The following ABCA1 variants were observed in gnomAD, a reference collection of about 807,000 sequenced individuals.
The protein encoded by ABCA1 is ATP binding cassette subfamily A member 1.
Under a neutral mutation model 262.5 loss-of-function variants are expected in ABCA1, and 133 were observed. That is an observed-to-expected ratio of 0.51 (90% confidence interval 0.44 to 0.59). The LOEUF is 0.59. ABCA1 is among the 20% of genes least tolerant of loss of function. ABCA1 has a pLI of 0.00. For missense variants in ABCA1, 2,452 were observed against 2,777.5 expected (o/e 0.88, Z 2.63); for synonymous variants, 1,022 against 1,043.5 (o/e 0.98, Z 0.40).
At chr9:104,819,845 T>G in intron 21 of ABCA1, 82 bp downstream of exon 21, 2 of 1,609,018 alleles carry the variant, frequency 1.2e-6, no homozygotes, top group Non-Finnish European at 1.7e-6. Flanking sequence ...CCTGGGACCC[T>G]GGGGCAGTGC....
Position 104,817,360 on chromosome 9 carries a change from G to A in ABCA1, c.3507C>T (p.Ser1169=), listed in dbSNP as rs375992169. The A allele has an allele frequency of 1.4e-5, 23 of 1,614,148 alleles. 1 individual carries two copies. Among genetic ancestry groups the A allele is most frequent in the Middle Eastern group, 1.6e-4 (1 of 6,062 alleles). The change falls in exon 24 of 50, where the codon AGC becomes AGT. Residue 1169 remains serine, a synonymous_variant. Coordinates refer to ENST00000374736, the MANE Select transcript of ABCA1 (RefSeq NM_005502.4). The surrounding 1 kb of genome is among the most constrained non-coding windows in gnomAD (Gnocchi z 4.7). ...TGGTCAGCGTGTCACTCTCATGGTC[G>A]CTGCCCAGGCCAGCATCAGAACTGC... The part of the protein sequence containing the change: ...SQSSSDAGLG[S]DHESDTLTID...
chr9:104,865,515 C>CAAAAAAAAAA (rs925876847), intron 5 of ABCA1, among the ~76,000 whole-genome samples: 4,525 of 66,204 alleles, frequency 0.068, 142 homozygotes, highest in African/African-American at 0.12. Context: ...GACTCTGTCT[C>CAAAAAAAAAA]AAAAAAAAAA....
chr9:104,865,083 T>C (rs1229430834), intron 5 of ABCA1, among the ~76,000 whole-genome samples: 1 of 152,198 alleles, frequency 6.6e-6, no homozygotes, highest in African/African-American at 2.4e-5. Flanking sequence ...TATCCACCCA[T>C]GTAGGCTTAG....
intron 7 of ABCA1, among the ~76,000 whole-genome samples, chr9:104,854,378 T>A (rs1464931716): frequency 1.3e-5 from 2 of 152,182 alleles, no homozygotes; most frequent in African/African-American, 2.4e-5. Context: ...CTCTACTGTA[T>A]CCTGGCTTCT....
chr9:104,906,897 T>C (rs1294088696), intron 1 of ABCA1, among the ~76,000 whole-genome samples: 2 of 152,160 alleles, frequency 1.3e-5, no homozygotes, highest in East Asian at 1.9e-4. Flanking sequence ...TCCCAGTCAA[T>C]AGGCCACTCT....
rs1310162612 is a variant in ABCA1, at chr9:104,842,624, T to C, written c.814-2105A>G. Among the ~76,000 whole-genome samples the C allele has an allele frequency of 2.4e-4, 36 of 152,190 alleles. 1 individual carries two copies. Among genetic ancestry groups the C allele is most frequent in the Admixed American group, 2.4e-3 (36 of 15,280 alleles). ...GTGCTTCCTGACTCTCAGGGAGGGA[T>C]GGCTCTTCATCCTTTAGCCCACGGA... On this transcript the variant is annotated intron_variant, in intron 8 of 49. Transcript: ENST00000374736.
chr9:104,829,912 C>G (rs1833114437), intron 14 of ABCA1, among the ~76,000 whole-genome samples: 1 of 151,246 alleles, frequency 6.6e-6, no homozygotes, highest in Non-Finnish European at 1.5e-5. Flanking sequence ...CCAATACAAG[C>G]AGAACCCAGC....
intron 36 of ABCA1, 49 bp from the exon 37 acceptor site, chr9:104,798,647 G>C: frequency 1.3e-6 from 2 of 1,551,008 alleles, no homozygotes; most frequent in Non-Finnish European, 1.8e-6. Flanking sequence ...GATGCAGTTA[G>C]GGCTCAATCA....
chr9:104,887,388 C>G (rs151158579), intron 3 of ABCA1, among the ~76,000 whole-genome samples: 2,506 of 152,278 alleles, frequency 0.016, 28 homozygotes, highest in Middle Eastern at 0.031. Flanking sequence ...TCAGAGGAAT[C>G]TAGGTTAAAA....
rs1416623380 is a variant in ABCA1 at position 104,884,715 on chromosome 9, A to C, written c.161-147T>G. The C allele has an allele frequency of 4.1e-6, 4 of 973,554 alleles. No individual in the cohort carries two copies. In the African/African-American group the frequency reaches 4.8e-5, roughly 12 times the overall value. The allele number at this position is 973,554 out of a possible 1,614,324, so 60.3% of individuals were successfully genotyped here. A position where few individuals can be genotyped will look rare whatever the true frequency, so the allele number is the denominator to read the frequency against. ...GACCTGTCTCTTCTGAATAAAACTG[A>C]CTCTCAGGTGGAAACTTGGCCTCAC... On this transcript the variant is annotated intron_variant, in intron 3 of 49. Coordinates refer to ENST00000374736, the MANE Select transcript of ABCA1 (RefSeq NM_005502.4).
chr9:104,917,722 C>T (rs573293610), intron 1 of ABCA1, among the ~76,000 whole-genome samples: 1 of 152,160 alleles, frequency 6.6e-6, no homozygotes, highest in East Asian at 1.9e-4. Context: ...CCACTGCACT[C>T]CAGCCTGGGC....
chr9:104,803,795 C>T (rs1478306262), intron 32 of ABCA1, among the ~76,000 whole-genome samples: 1 of 151,998 alleles, frequency 6.6e-6, no homozygotes, highest in Non-Finnish European at 1.5e-5. Flanking sequence ...TTAGTAGAGA[C>T]AGGGTTTCCC....
chr9:104,811,170 C>A (rs2118931618), intron 28 of ABCA1, among the ~76,000 whole-genome samples: 1 of 152,370 alleles, frequency 6.6e-6, no homozygotes, highest in Non-Finnish European at 1.5e-5. Flanking sequence ...CTGGCAGAGG[C>A]ACTAAGCCAA....
chr9:104,874,098 A>G (rs1837884481), intron 5 of ABCA1, among the ~76,000 whole-genome samples: 1 of 152,238 alleles, frequency 6.6e-6, no homozygotes, highest in Admixed American at 6.5e-5. Flanking sequence ...TCAAAAATCA[A>G]ACCAGAATCA....
Position 104,786,300 on chromosome 9 carries a change from A to G in ABCA1, c.6399T>C (p.Asn2133=), listed in dbSNP as rs769250500. The G allele has an allele frequency of 1.2e-6, 2 of 1,612,850 alleles. No individual in the cohort carries two copies. The highest frequency in any genetic ancestry group is 2.2e-5 in the East Asian group (1 of 44,866). ...CCCAAAGAAATTATCTTTATTACCT[A>G]TTTTTTAGATGCTGGACACTGCCAA... is the stretch of plus-strand genomic sequence containing the variant. ...RCLGSVQHLK[N]RFGDGYTIVV... Residue 2133 remains asparagine, a splice_region_variant and synonymous_variant, in exon 48 of 50, where the codon AAT becomes AAC. Transcript: ENST00000374736.
intron 18 of ABCA1, among the ~76,000 whole-genome samples, chr9:104,824,170 G>C (rs1348451526): frequency 6.6e-6 from 1 of 152,202 alleles, no homozygotes; most frequent in Admixed American, 6.5e-5. Flanking sequence ...CTTCTAGCTT[G>C]TTAGGAGACC....
Position 104,798,550 on chromosome 9 carries a change from T to C in ABCA1, c.4992A>G (p.Ala1664=), listed in dbSNP as rs113001292. ...CAAAGCTGGCTGGGACGAAGGACATTGCAAAGATGACACAGATGGACACAA... is the reference window on the plus strand; with the variant it reads ...CAAAGCTGGCTGGGACGAAGGACATCGCAAAGATGACACAGATGGACACAA... ...DVLVSICVIF[A]MSFVPASFVV... is the part of the protein sequence containing the mutation. The change falls in exon 37 of 50, where the codon GCA becomes GCG. Residue 1664 remains alanine (A), a synonymous_variant. Transcript: ENST00000374736. 6.2e-7 allele frequency: 1 copy of C among 1,614,108 alleles called. No individual in the cohort carries two copies. Among genetic ancestry groups the C allele is most frequent in the Non-Finnish European group, 8.5e-7 (1 of 1,180,014 alleles).
intron 29 of ABCA1, among the ~76,000 whole-genome samples, chr9:104,810,034 A>AACT (rs1483735685): frequency 6.6e-6 from 1 of 151,896 alleles, no homozygotes; most frequent in Non-Finnish European, 1.5e-5. Flanking sequence ...TATGTTCCAC[A>AACT]ACTACGGGCA....
At chr9:104,908,894 C>T (rs1220950195) in intron 1 of ABCA1, among the ~76,000 whole-genome samples, 2 of 152,164 alleles carry the variant, frequency 1.3e-5, no homozygotes, top group Non-Finnish European at 2.9e-5. Flanking sequence ...GAGGGGACGA[C>T]AGACTGAAAA....
Sources: allele counts gnomAD v4.1 joint callset (sites outside exome capture counted in the v4.1 genomes callset), GRCh38; gene constraint gnomAD v4.1.1; non-coding constraint Gnocchi (gnomAD v3.1); transcripts MANE v1.5; gene names NCBI Gene and HGNC (gene_info 2026-07-23, HGNC 2026-07-21).